Variants in CBARP observed in about 807,000 individuals in gnomAD.
CBARP encodes the protein voltage-dependent calcium channel beta subunit-associated regulatory protein.
In CBARP, 24 loss-of-function variants were observed where a neutral mutation model predicts 36.3. That is an observed-to-expected ratio of 0.66 (90% CI 0.48 to 0.93). CBARP has a LOEUF of 0.93. Among genes scored for constraint, CBARP ranks in the 40% least tolerant of loss-of-function variants. The pLI is 0.00. For missense variants in CBARP, 1,146 were observed against 980.4 expected (o/e 1.17, Z -2.26); for synonymous variants, 586 against 453.2 (o/e 1.29, Z -3.72).
Position 1,236,067 on chromosome 19 carries a change from T to TGGC in CBARP, c.31_33dup (p.Ala11dup), listed in dbSNP as rs1424716366. The TGGC allele has an allele frequency of 2.2e-5, 33 of 1,502,922 alleles. No individual in the cohort carries two copies. The East Asian group carries it at 2.4e-4, about 11-fold the overall frequency. 93.1% of individuals were successfully genotyped at this position (1,502,922 alleles called of 1,614,324 possible). A position where few individuals can be genotyped will look rare whatever the true frequency, so the allele number is the denominator to read the frequency against. On this transcript the variant is annotated inframe_insertion, in exon 2 of 10. Coordinates refer to ENST00000650044, the MANE Select transcript of CBARP (RefSeq NM_001393918.1). The stretch of plus-strand genomic sequence containing the variant: ...GTGGCAGTGGTGGTGGTGGTGGTGG[T>TGGC]GGCGGCTGTGGCCATGGTGGCTGTG...
intron 9 of CBARP, chr19:1,230,377 A>AC: frequency 3.0e-6 from 3 of 986,902 alleles, no homozygotes; most frequent in Non-Finnish European, 3.6e-6. Flanking sequence ...TGGACTGCAG[A>AC]CGGCGGGGCC....
At position 1,229,928 on chromosome 19, in the gene CBARP, C is replaced by T; in HGVS notation, c.1369G>A (p.Gly457Ser). ...HAAASDHSSS[G>S]NDRDSVRSGD... ...CTGCGCACCGAGTCGCGGTCGTTGC[C>T]GCTGCTGCTGTGGTCCGAGGCGGCC... The change falls in exon 10 of 10, where the codon GGC becomes AGC. Residue 457 changes from glycine (G) to serine (S), a missense_variant. Physicochemically the swap from Gly to Ser is moderately conservative, Grantham distance 56. Coordinates refer to ENST00000650044, the MANE Select transcript of CBARP (RefSeq NM_001393918.1). The surrounding 1 kb of genome is among the most constrained non-coding windows in gnomAD (Gnocchi z 5.1). 8.6e-7 allele frequency: 1 copy of T among 1,166,372 alleles called. No individual in the cohort carries two copies. The highest frequency in any genetic ancestry group is 1.1e-6 in the Non-Finnish European group (1 of 923,772). The allele number at this position is 1,166,372 out of a possible 1,614,324, so 72.3% of individuals were successfully genotyped here.
upstream of CBARP, chr19:1,238,210 C>A (rs1026215159): frequency 6.6e-6 from 1 of 152,134 alleles, no homozygotes; most frequent in African/African-American, 2.4e-5. Context: ...CTGGAATTCA[C>A]GACTCTGCAG....
intron 1 of CBARP, among the ~76,000 whole-genome samples, chr19:1,236,631 G>T (rs540793133): frequency 6.6e-6 from 1 of 152,136 alleles, no homozygotes; most frequent in Admixed American, 6.5e-5. Flanking sequence ...CTGCCTGCGC[G>T]CCAGGGAGGG....
At position 1,235,978 on chromosome 19, in the gene CBARP, C is replaced by G; in HGVS notation, c.105+18G>C. The G allele has an allele frequency of 1.9e-6, 3 of 1,580,468 alleles. No homozygotes were observed. Among genetic ancestry groups the G allele is most frequent in the Non-Finnish European group, 2.6e-6 (3 of 1,160,276 alleles). On this transcript the variant is annotated intron_variant, in intron 2 of 9. Coordinates refer to ENST00000650044, the MANE Select transcript of CBARP (RefSeq NM_001393918.1). ...CCTGGACGACCTCCTGCCCCTCCCA[C>G]CTGTCCCCTGCACCCACCGTGGGGC... is the stretch of plus-strand genomic sequence containing the variant.
Position 1,229,371 on chromosome 19 carries a change from G to A in CBARP, c.1926C>T (p.Val642=). The A allele has an allele frequency of 8.6e-7, 1 of 1,165,992 alleles. No individual in the cohort carries two copies. Among genetic ancestry groups the A allele is most frequent in the African/African-American group, 1.7e-5 (1 of 59,844 alleles). 72.2% of individuals were successfully genotyped at this position (1,165,992 alleles called of 1,614,324 possible). ...CCCCGCCGCCCGGCTCCTCCTCGAT[G>A]ACGGGGATGGCGGGGTCGTCGCCGG... The part of the protein sequence containing the change: ...GGAGDDPAIP[V]IEEEPGGGGC... Residue 642 remains valine (V), a synonymous_variant, in exon 10 of 10, where the codon GTC becomes GTT. Coordinates refer to ENST00000650044, the MANE Select transcript of CBARP (RefSeq NM_001393918.1). This position sits in a 1 kb window ranked among gnomAD's most constrained non-coding sequence, Gnocchi z 5.1.
chr19:1,237,301 G>A (rs1182847394), intron 1 of CBARP, among the ~76,000 whole-genome samples: 1 of 152,198 alleles, frequency 6.6e-6, no homozygotes, highest in African/African-American at 2.4e-5. Flanking sequence ...GCATATGTAG[G>A]TCGGGAAATG....
chr19:1,232,401 C>T (rs1218653588), intron 8 of CBARP, among the ~76,000 whole-genome samples: 1 of 152,170 alleles, frequency 6.6e-6, no homozygotes, highest in African/African-American at 2.4e-5. Context: ...GTCATGCTGA[C>T]AGCACCTTCT....
chr19:1,236,145 C>T (rs955014526), intron 1 of CBARP, 24 bp from the exon 2 acceptor site: 14 of 1,398,822 alleles, frequency 1.0e-5, no homozygotes, highest in Non-Finnish European at 1.1e-5. Context: ...GCCTGGTCAG[C>T]TCCAGCTAGA....
At chr19:1,235,353 AG>A in intron 4 of CBARP, 147 bp downstream of exon 4, 1 of 1,100,808 alleles carries the variant, frequency 9.1e-7, no homozygotes, top group Non-Finnish European at 1.3e-6. Flanking sequence ...CTGGGCGTTA[AG>A]GAAACAGAGA....
chr19:1,229,190 T>C lies in CBARP; in HGVS notation c.2107A>G (p.Ser703Gly). Residue 703 changes from serine (S) to glycine (G), a missense_variant, in exon 10 of 10, where the codon AGC becomes GGC. Coordinates refer to ENST00000650044, the MANE Select transcript of CBARP (RefSeq NM_001393918.1). The surrounding 1 kb of genome is among the most constrained non-coding windows in gnomAD (Gnocchi z 5.1). ...VAAAPTSPDH[S>G]PA is the part of the protein sequence containing the mutation. ...CCAGGACGCGGGACTTAGGCCGGGC[T>C]GTGGTCGGGGGACGTGGGGGCGGCG... The C allele has an allele frequency of 8.5e-7, 1 of 1,173,450 alleles. No individual in the cohort carries two copies. The highest frequency in any genetic ancestry group is 1.1e-6 in the Non-Finnish European group (1 of 928,734). 72.7% of individuals were successfully genotyped at this position (1,173,450 alleles called of 1,614,324 possible).
chr19:1,237,592 G>T (rs1444422744), intron 1 of CBARP, among the ~76,000 whole-genome samples, 164 bp downstream of exon 1: 1 of 151,984 alleles, frequency 6.6e-6, no homozygotes, highest in East Asian at 2.0e-4. Context: ...CTGAGCGGGG[G>T]TCCCTCTGGA....
At chr19:1,230,475 A>G (rs2080875616) in intron 9 of CBARP, 1 of 999,182 alleles carries the variant, frequency 1.0e-6, no homozygotes. Flanking sequence ...TGGGAGCCGC[A>G]GGGGATGGAC....
chr19:1,234,833 C>T, intron 5 of CBARP, 91 bp from the exon 6 acceptor site: 1 of 1,529,408 alleles, frequency 6.5e-7, no homozygotes, highest in Non-Finnish European at 8.8e-7. Flanking sequence ...CCGGCCTGGG[C>T]AGGGGCAGGC....
chr19:1,236,799 G>T (rs965666923), intron 1 of CBARP, among the ~76,000 whole-genome samples: 1 of 149,186 alleles, frequency 6.7e-6, no homozygotes, highest in African/African-American at 2.4e-5. Flanking sequence ...GGCCGCGGCT[G>T]GGGGGGCGGG....
chr19:1,230,264 G>C, intron 9 of CBARP, 122 bp from the exon 10 acceptor site: 1 of 992,530 alleles, frequency 1.0e-6, no homozygotes, highest in Non-Finnish European at 1.2e-6. Flanking sequence ...GGCGGGCCTT[G>C]GAAGGTGAGA....
chr19:1,236,868 C>T (rs2080981990), intron 1 of CBARP, among the ~76,000 whole-genome samples: 1 of 115,482 alleles, frequency 8.7e-6, no homozygotes. Flanking sequence ...GGGCGGCGGC[C>T]TCGGGGGGGC....
chr19:1,230,467 G>C (rs1461090261), intron 9 of CBARP: 2 of 997,600 alleles, frequency 2.0e-6, no homozygotes, highest in East Asian at 2.1e-4. Context: ...AGTGGACGTG[G>C]GAGCCGCAGG....
chr19:1,229,609 G>A lies in CBARP; in HGVS notation c.1688C>T (p.Thr563Met), dbSNP rs750454245. ...GGCGCGGTGTCGCGCGGCAGCCGGC[G>A]TGTCGTCGAAGTGCGGGTCGTGGCG... ...FLRHDPHFDD[T>M]PAAARHRARA... is the part of the protein sequence containing the mutation. The change falls in exon 10 of 10, where the codon ACG becomes ATG. Residue 563 changes from threonine to methionine, a missense_variant. Thr to Met is a moderately conservative substitution (Grantham distance 81). Transcript: ENST00000650044. This position sits in a 1 kb window ranked among gnomAD's most constrained non-coding sequence, Gnocchi z 5.1. 5 of 1,200,236 alleles carry A rather than the reference G, an allele frequency of 4.2e-6. No individual in the cohort carries two copies. Among genetic ancestry groups the A allele is most frequent in the Admixed American group, 3.4e-5 (1 of 29,516 alleles). 74.3% of individuals were successfully genotyped at this position (1,200,236 alleles called of 1,614,324 possible).
Sources: gnomAD v4.1 joint callset for allele counts (sites outside exome capture counted in the v4.1 genomes callset) on GRCh38, gnomAD v4.1.1 for gene constraint, Gnocchi (gnomAD v3.1) non-coding constraint, MANE v1.5 for transcripts, NCBI Gene and HGNC (gene_info 2026-07-23, HGNC 2026-07-21) for gene names.